CNTNAP2: variants seen among roughly 807,000 people sequenced by gnomAD.
CNTNAP2 encodes contactin-associated protein-like 2.
In CNTNAP2, 98 loss-of-function variants were observed where a neutral mutation model predicts 155.2. The ratio of observed to expected loss-of-function variants is 0.63; its 90% CI spans 0.54 to 0.75. CNTNAP2 has a LOEUF of 0.75. CNTNAP2 is among the 30% of genes least tolerant of loss of function. The pLI, the probability that CNTNAP2 is intolerant of heterozygous loss-of-function variation, is 0.00. For missense variants in CNTNAP2, 1,727 were observed against 1,688.1 expected (o/e 1.02, Z -0.40); for synonymous variants, 651 against 631.2 (o/e 1.03, Z -0.47).
At chr7:146,955,787 TAGC>T (rs1797421472) in intron 3 of CNTNAP2, among the ~76,000 whole-genome samples, 1 of 152,032 alleles carries the variant, frequency 6.6e-6, no homozygotes, top group African/African-American at 2.4e-5. Context: ...ATTTTTTAAT[TAGC>T]AGTTTAATTT....
intron 3 of CNTNAP2, among the ~76,000 whole-genome samples, chr7:147,010,672 A>G (rs1798606808): frequency 6.6e-6 from 1 of 152,130 alleles, no homozygotes; most frequent in Admixed American, 6.6e-5. Flanking sequence ...ATGGACAAAG[A>G]CATGAGTAAA....
intron 3 of CNTNAP2, among the ~76,000 whole-genome samples, chr7:146,957,325 G>A (rs904660012): frequency 6.6e-6 from 1 of 152,118 alleles, no homozygotes; most frequent in Non-Finnish European, 1.5e-5. Context: ...CCAGGTGATA[G>A]AAATTTTTCA....
chr7:147,393,730 C>A (rs1172808132), intron 9 of CNTNAP2, among the ~76,000 whole-genome samples: 4 of 151,792 alleles, frequency 2.6e-5, no homozygotes, highest in Admixed American at 2.6e-4. Flanking sequence ...AATACACATA[C>A]ACACACACAC....
chr7:146,248,060 G>A (rs1038797306), intron 1 of CNTNAP2, among the ~76,000 whole-genome samples: 2 of 148,194 alleles, frequency 1.3e-5, no homozygotes, highest in Admixed American at 6.6e-5. Context: ...AAGGGATCGG[G>A]GCACAGAGAT....
intron 3 of CNTNAP2, among the ~76,000 whole-genome samples, chr7:146,923,391 C>A (rs906776572): frequency 2.6e-5 from 4 of 152,132 alleles, no homozygotes; most frequent in Non-Finnish European, 5.9e-5. Flanking sequence ...TATTATACAG[C>A]ATTCACTACT....
chr7:147,286,539 T>G (rs1341727505), intron 8 of CNTNAP2, among the ~76,000 whole-genome samples: 2 of 152,080 alleles, frequency 1.3e-5, no homozygotes, highest in Non-Finnish European at 2.9e-5. Flanking sequence ...AATGAAATGA[T>G]AATATATGCA....
intron 1 of CNTNAP2, among the ~76,000 whole-genome samples, chr7:146,595,068 A>T (rs1202555447): frequency 6.6e-6 from 1 of 152,082 alleles, no homozygotes; most frequent in Non-Finnish European, 1.5e-5. Context: ...AAACTTCCTG[A>T]TATTTAATTA....
intron 1 of CNTNAP2, among the ~76,000 whole-genome samples, chr7:146,360,092 C>T (rs1353834356): frequency 6.6e-6 from 1 of 152,178 alleles, no homozygotes; most frequent in African/African-American, 2.4e-5. Flanking sequence ...TGTTTCTCTA[C>T]CTGATACAAT....
chr7:147,801,701 GAA>G (rs1797990112), intron 13 of CNTNAP2, among the ~76,000 whole-genome samples: 1 of 152,162 alleles, frequency 6.6e-6, no homozygotes, highest in Non-Finnish European at 1.5e-5. Flanking sequence ...AGAACAAAAT[GAA>G]AAGTCTCCCA....
chr7:146,306,214 GA>G (rs1800709460), intron 1 of CNTNAP2, among the ~76,000 whole-genome samples: 1 of 152,010 alleles, frequency 6.6e-6, no homozygotes, highest in Non-Finnish European at 1.5e-5. Flanking sequence ...TTGAATCACT[GA>G]ATAGACCAAT....
intron 5 of CNTNAP2, among the ~76,000 whole-genome samples, chr7:147,117,171 T>C (rs1380479369): frequency 2.0e-5 from 3 of 152,062 alleles, no homozygotes; most frequent in Non-Finnish European, 2.9e-5. Context: ...GCAGACACCT[T>C]TGTTGGAAAT....
chr7:146,860,690 A>C (rs952463553), intron 3 of CNTNAP2, among the ~76,000 whole-genome samples: 1 of 152,188 alleles, frequency 6.6e-6, no homozygotes, highest in Non-Finnish European at 1.5e-5. Context: ...AACCTAAAGA[A>C]AGCATCTACA....
chr7:146,948,340 A>C (rs1480780825), intron 3 of CNTNAP2, among the ~76,000 whole-genome samples: 1 of 152,218 alleles, frequency 6.6e-6, no homozygotes, highest in Non-Finnish European at 1.5e-5. Flanking sequence ...CAGAAAATTA[A>C]GTTCATGATG....
At position 147,705,257 on chromosome 7, in the gene CNTNAP2, C is replaced by G. The variant is rs114206194; in HGVS notation, c.2098+65951C>G. The stretch of plus-strand genomic sequence containing the variant: ...TTTTGGTATACTACGTTTTGACTTG[C>G]ATTTGTTTCAAGATATTTCTTGATT... On this transcript the variant is annotated intron_variant, in intron 13 of 23. Transcript: ENST00000361727. Among the ~76,000 whole-genome samples, 822 of 152,134 alleles carry G rather than the reference C, an allele frequency of 5.4e-3. 7 individuals carry two copies. The highest frequency in any genetic ancestry group is 0.019 in the African/African-American group (776 of 41,508).
At position 147,076,346 on chromosome 7, in the gene CNTNAP2, T is replaced by A. The variant is rs558576926; in HGVS notation, c.551-31801T>A. Among the ~76,000 whole-genome samples, 4 of 152,320 alleles carry A rather than the reference T, an allele frequency of 2.6e-5. No individual in the cohort carries two copies. In the East Asian group the frequency reaches 7.7e-4, roughly 29 times the overall value. On this transcript the variant is annotated intron_variant, in intron 4 of 23. Transcript: ENST00000361727. ...ATTCTAACTGGTGTGAGATGGTATC[T>A]CATTGTGGTTTTGATTTGCATTTCC...
At chr7:146,892,094 G>C (rs1042715342) in intron 3 of CNTNAP2, among the ~76,000 whole-genome samples, 1 of 152,166 alleles carries the variant, frequency 6.6e-6, no homozygotes, top group Admixed American at 6.5e-5. Context: ...GGTGGCAGCA[G>C]TTCATTTGTG....
chr7:146,685,151 G>T (rs1340285868), intron 1 of CNTNAP2, among the ~76,000 whole-genome samples: 1 of 152,096 alleles, frequency 6.6e-6, no homozygotes, highest in East Asian at 1.9e-4. Flanking sequence ...GATAGTGGAG[G>T]AGTGAATTTT....
rs141242176 is a variant in CNTNAP2 at position 147,684,242 on chromosome 7, A to T, written c.2098+44936A>T. Among the ~76,000 whole-genome samples, 966 of 151,930 alleles carry T rather than the reference A, an allele frequency of 6.4e-3. 7 individuals are homozygous for T. The highest frequency in any genetic ancestry group is 0.02 in the Middle Eastern group (6 of 294). ...CTGCTTCTGGCCCTAATGTGCCCTT[A>T]TCAGCGTGTGTGTTTTTAATGTGGT... On this transcript the variant is annotated intron_variant, in intron 13 of 23. Transcript: ENST00000361727.
At chr7:146,995,980 A>G (rs1425687047) in intron 3 of CNTNAP2, among the ~76,000 whole-genome samples, 2 of 152,014 alleles carry the variant, frequency 1.3e-5, no homozygotes, top group Non-Finnish European at 2.9e-5. Context: ...GACCAATGTC[A>G]TGGAGTTTTC....
Sources: allele counts gnomAD v4.1 joint callset (sites outside exome capture counted in the v4.1 genomes callset), GRCh38; gene constraint gnomAD v4.1.1; transcripts MANE v1.5; gene names NCBI Gene and HGNC (gene_info 2026-07-23, HGNC 2026-07-21).